The following GMPS variants were observed in gnomAD, a reference collection of about 807,000 sequenced individuals.
The protein encoded by GMPS is guanosine monophosphate synthase, also known as GMP synthase [glutamine-hydrolyzing].
In GMPS, 15 loss-of-function variants were observed where a neutral mutation model predicts 77.9. The observed-to-expected ratio is 0.19, with a 90% CI of 0.13 to 0.30. The LOEUF is 0.30. GMPS is among the 10% of genes least tolerant of loss of function. The pLI is 1.00. For missense variants in GMPS, 590 were observed against 838.8 expected (o/e 0.70, Z 3.66); for synonymous variants, 224 against 275.9 (o/e 0.81, Z 1.86).
chr3:155,906,609 T>A (rs1203364274), intron 5 of GMPS, among the ~76,000 whole-genome samples: 1 of 152,224 alleles, frequency 6.6e-6, no homozygotes, highest in Non-Finnish European at 1.5e-5. Context: ...CAGAGTTACT[T>A]GTCTTTTATT....
chr3:155,919,386 G>T, intron 10 of GMPS, 48 bp downstream of exon 10: 1 of 866,690 alleles, frequency 1.2e-6, no homozygotes, highest in Non-Finnish European at 1.9e-6. Context: ...AGACCTTCAT[G>T]TTGAAGAAAA....
chr3:155,896,253 C>T (rs974261584), intron 2 of GMPS, among the ~76,000 whole-genome samples: 2 of 152,266 alleles, frequency 1.3e-5, no homozygotes, highest in African/African-American at 2.4e-5. Flanking sequence ...TCGTGATCCA[C>T]GCACCTCGGC....
At chr3:155,879,952 GTT>G (rs61425510) in intron 1 of GMPS, among the ~76,000 whole-genome samples, 73 of 147,316 alleles carry the variant, frequency 5.0e-4, no homozygotes, top group African/African-American at 1.2e-3. Context: ...AGTTTTAAGA[GTT>G]TTTTTTTTTT....
In GMPS at chr3:155,910,772, C is replaced by T; in HGVS notation, c.607C>T (p.Leu203=). 1 of 1,609,784 alleles carries T rather than the reference C, an allele frequency of 6.2e-7. No individual in the cohort carries two copies. The highest frequency in any genetic ancestry group is 8.5e-7 in the Non-Finnish European group (1 of 1,176,454). Residue 203 remains leucine, a synonymous_variant, in exon 6 of 16, where the codon CTG becomes TTG. Transcript: ENST00000496455. ...VGLTENGKVI[L]KNFLYDIAGC... The stretch of plus-strand genomic sequence containing the variant: ...CCTTACAGAAAATGGAAAAGTAATA[C>T]TGAAGAATTTCCTTTATGATATAGC...
intron 11 of GMPS, among the ~76,000 whole-genome samples, chr3:155,922,969 G>T (rs1472019577): frequency 1.3e-5 from 2 of 152,102 alleles, no homozygotes; most frequent in African/African-American, 4.8e-5. Context: ...GGTCCCAAAG[G>T]ATTCTCATAG....
intron 12 of GMPS, among the ~76,000 whole-genome samples, chr3:155,926,091 A>G (rs1755447430): frequency 6.6e-6 from 1 of 152,126 alleles, no homozygotes; most frequent in South Asian, 2.1e-4. Flanking sequence ...GGCGTACTGT[A>G]GCCCTGAATT....
chr3:155,871,585 C>T (rs1753907759), intron 1 of GMPS, among the ~76,000 whole-genome samples: 2 of 152,256 alleles, frequency 1.3e-5, no homozygotes, highest in South Asian at 2.1e-4. Context: ...CGTTCTCCCT[C>T]CCCGCTTCCT....
intron 3 of GMPS, among the ~76,000 whole-genome samples, chr3:155,902,298 G>A (rs914955281): frequency 7.2e-5 from 11 of 152,176 alleles, no homozygotes; most frequent in African/African-American, 2.2e-4. Context: ...AGGAAGTCTT[G>A]TGTTTAATAT....
At chr3:155,915,396 C>T (rs1404078114) in intron 8 of GMPS, among the ~76,000 whole-genome samples, 2 of 151,750 alleles carry the variant, frequency 1.3e-5, no homozygotes, top group African/African-American at 4.8e-5. Flanking sequence ...CACCACCATG[C>T]CCAGCTAATT....
chr3:155,910,348 CACTTGAGGCCAGGA>C (rs1164469581), intron 5 of GMPS, among the ~76,000 whole-genome samples: 3 of 152,040 alleles, frequency 2.0e-5, no homozygotes, highest in African/African-American at 7.2e-5. Context: ...GCAGGTGGAT[CACTTGAGGCCAGGA>C]GTTTGAGGCC....
In GMPS at chr3:155,878,444, A is replaced by C. The variant is rs568652194; in HGVS notation, c.27+7547A>C. Among the ~76,000 whole-genome samples, 308 of 152,304 alleles carry C rather than the reference A, an allele frequency of 2.0e-3. 5 individuals are homozygous for C. The highest frequency in any genetic ancestry group is 7.2e-3 in the African/African-American group (300 of 41,562). On this transcript the variant is annotated intron_variant, in intron 1 of 15. Transcript: ENST00000496455. The stretch of plus-strand genomic sequence containing the variant: ...GTTGTTTTCACTCTGAATATTATGA[A>C]TAATGCTGCCATGGACATTTCTGTA...
rs1349476747 is a variant in GMPS, at chr3:155,942,812, T to TAA, written c.*5120_*5121insAA. 1 of 219,356 alleles carries TAA rather than the reference T, an allele frequency of 4.6e-6. No individual in the cohort carries two copies. Among genetic ancestry groups the TAA allele is most frequent in the Non-Finnish European group, 9.1e-6 (1 of 109,392 alleles). The allele number at this position is 219,356 out of a possible 1,614,324, so 13.6% of individuals were successfully genotyped here. On this transcript the variant is annotated 3_prime_UTR_variant, in exon 16 of 16. Transcript: ENST00000496455. ...CTAGGTCATGAAACAGACTGAGCTA[T>TAA]TATTGCATCAACACATAAATCCTGT...
chr3:155,880,539 T>C (rs1302938724), intron 1 of GMPS, among the ~76,000 whole-genome samples: 1 of 152,228 alleles, frequency 6.6e-6, no homozygotes. Flanking sequence ...TGCATAGATC[T>C]TTAAGTATGT....
intron 1 of GMPS, among the ~76,000 whole-genome samples, chr3:155,878,619 G>A (rs1754119075): frequency 6.6e-6 from 1 of 152,182 alleles, no homozygotes; most frequent in Non-Finnish European, 1.5e-5. Flanking sequence ...TTTGTCTGCT[G>A]TGTGGCAGTT....
chr3:155,911,850 A>G (rs997654284), intron 7 of GMPS, among the ~76,000 whole-genome samples: 5 of 152,002 alleles, frequency 3.3e-5, no homozygotes, highest in East Asian at 1.9e-4. Context: ...AAAAAAAAAA[A>G]AAAAAGAAAT....
Position 155,903,935 on chromosome 3 carries a change from G to A in GMPS, c.397G>A (p.Val133Met). ...AGAAGATGGAGTTTTCAACATTAGT[G>A]TGGATAATACATGTTCATTATTCAG... ...VREDGVFNISVDNTCSLFRGL... is the reference protein window; with the variant it reads ...VREDGVFNISMDNTCSLFRGL... Residue 133 changes from valine to methionine, a missense_variant, in exon 4 of 16, where the codon GTG (valine) becomes ATG (methionine). By Grantham distance (21) the Val-to-Met change is conservative. Around this residue, in one of 6 missense-constraint regions of GMPS, gnomAD observed 136 missense variants for 225.6 expected, o/e 0.60. Transcript: ENST00000496455. 2 of 1,488,254 alleles carry A rather than the reference G, an allele frequency of 1.3e-6. No individual in the cohort carries two copies. Among genetic ancestry groups the A allele is most frequent in the Non-Finnish European group, 1.9e-6 (2 of 1,080,308 alleles). 92.2% of individuals were successfully genotyped at this position (1,488,254 alleles called of 1,614,324 possible).
chr3:155,870,837 C>T lies in GMPS; in HGVS notation c.-34C>T. 7.0e-7 allele frequency: 1 copy of T among 1,435,044 alleles called. No homozygotes were observed. The highest frequency in any genetic ancestry group is 2.9e-5 in the East Asian group (1 of 34,918). 88.9% of individuals were successfully genotyped at this position (1,435,044 alleles called of 1,614,324 possible). ...ACCCTCCCGCCCCGTCTCGTACTGT[C>T]GCCGTCACCGCCGCGGCTCCGGCCC... is the stretch of plus-strand genomic sequence containing the variant. On this transcript the variant is annotated 5_prime_UTR_variant, in exon 1 of 16. Transcript: ENST00000496455.
At chr3:155,915,956 A>G (rs1755166801) in intron 8 of GMPS, 63 bp from the exon 9 acceptor site, 12 of 1,084,210 alleles carry the variant, frequency 1.1e-5, no homozygotes, top group Non-Finnish European at 1.1e-5. Flanking sequence ...AGCTGAAAGT[A>G]TAAACTTTTG....
At chr3:155,924,914 C>CTT (rs1470488264) in intron 11 of GMPS, among the ~76,000 whole-genome samples, 1 of 152,038 alleles carries the variant, frequency 6.6e-6, no homozygotes, top group East Asian at 1.9e-4. Flanking sequence ...ATGGCTAAAG[C>CTT]TATATTAATT....
Sources: gnomAD v4.1 joint callset for allele counts (sites outside exome capture counted in the v4.1 genomes callset) on GRCh38, gnomAD v4.1.1 for gene constraint, gnomAD v4.1.1 regional missense constraint, MANE v1.5 for transcripts, NCBI Gene and HGNC (gene_info 2026-07-23, HGNC 2026-07-21) for gene names.